The following UTP20 variants were observed in gnomAD, a reference collection of about 807,000 sequenced individuals.
UTP20 encodes the protein UTP20 small subunit processome component.
In UTP20, 164 loss-of-function variants were observed where a neutral mutation model predicts 329.5. The ratio of observed to expected loss-of-function variants is 0.50; its 90% CI spans 0.44 to 0.57. The LOEUF (loss-of-function observed/expected upper bound fraction) is 0.57, where lower values mean the gene tolerates loss of function less well. UTP20 is among the 20% of genes least tolerant of loss of function. UTP20 has a pLI of 0.00. For synonymous variants in UTP20, 1,151 were observed against 1,159.3 expected (o/e 0.99, Z 0.14); for missense variants, 3,055 against 3,284.2 (o/e 0.93, Z 1.71).
Position 101,338,093 on chromosome 12 carries a change from A to T in UTP20, c.3684A>T (p.Glu1228Asp), listed in dbSNP as rs762081637. The part of the protein sequence containing the change: ...LLAKQKPGHP[E>D]CDILTNVFAI... Reference sequence around the variant, plus strand: ...CTAAACAGAAGCCTGGGCACCCAGAATGTGATATCCTGACCAATGTTTTTG... The same window carrying T: ...CTAAACAGAAGCCTGGGCACCCAGATTGTGATATCCTGACCAATGTTTTTG... The change falls in exon 30 of 62, where the codon GAA becomes GAT. Residue 1228 changes from glutamate (E) to aspartate (D), a missense_variant. Transcript: ENST00000261637. 1 of 1,614,082 alleles carries T rather than the reference A, an allele frequency of 6.2e-7. No individual in the cohort carries two copies. The highest frequency in any genetic ancestry group is 8.5e-7 in the Non-Finnish European group (1 of 1,180,030).
intron 58 of UTP20, among the ~76,000 whole-genome samples, chr12:101,382,720 G>T (rs1870686189): frequency 1.3e-5 from 2 of 151,928 alleles, no homozygotes; most frequent in African/African-American, 4.8e-5. Flanking sequence ...AGGCATGGTG[G>T]TGCACGCCTG....
chr12:101,291,649 T>C, intron 8 of UTP20, 93 bp from the exon 9 acceptor site: 1 of 1,305,134 alleles, frequency 7.7e-7, no homozygotes, highest in Non-Finnish European at 1.0e-6. Flanking sequence ...AGCAAGAGAA[T>C]GGGAAAAGTT....
At chr12:101,301,896 C>T (rs1872531010) in intron 14 of UTP20, among the ~76,000 whole-genome samples, 1 of 152,052 alleles carries the variant, frequency 6.6e-6, no homozygotes, top group Admixed American at 6.6e-5. Flanking sequence ...ATGGAACATA[C>T]ACATTTTTAT....
intron 23 of UTP20, 130 bp downstream of exon 23, chr12:101,319,765 T>C (rs960969875): frequency 5.8e-5 from 17 of 291,512 alleles, no homozygotes; most frequent in Non-Finnish European, 1.0e-4. Context: ...TATTAAAGCC[T>C]TTTTTTTTTT....
In UTP20 at chr12:101,386,024, A is replaced by G; in HGVS notation, c.8259A>G (p.Lys2753=). 6.2e-7 allele frequency: 1 copy of G among 1,610,170 alleles called. No homozygotes were observed. ...AKKKMKKHKN[K]SEAKKRKIEF... is the part of the protein sequence containing the mutation. Reference sequence around the variant, plus strand: ...AAAAAATGAAGAAACACAAAAATAAAAGTGAAGCAAAGAAGAGAAAGATAG... The same window carrying G: ...AAAAAATGAAGAAACACAAAAATAAGAGTGAAGCAAAGAAGAGAAAGATAG... Residue 2753 remains lysine, a synonymous_variant, in exon 62 of 62, where the codon AAA becomes AAG. Coordinates refer to ENST00000261637, the MANE Select transcript of UTP20 (RefSeq NM_014503.3).
At chr12:101,289,902 G>GT (rs954240206) in intron 6 of UTP20, 43 of 243,676 alleles carry the variant, frequency 1.8e-4, no homozygotes, top group Non-Finnish European at 2.6e-4. Flanking sequence ...GACTTCTGTA[G>GT]TTTTTTTTGT....
At chr12:101,288,814 T>G (rs563598174) in intron 5 of UTP20, 146 bp from the exon 6 acceptor site, 61 of 686,856 alleles carry the variant, frequency 8.9e-5, no homozygotes, top group Non-Finnish European at 1.2e-4. Context: ...GGTGTCTCCA[T>G]AAATGAATGA....
chr12:101,368,149 T>A (rs1252884245), intron 48 of UTP20, among the ~76,000 whole-genome samples, 173 bp downstream of exon 48: 1 of 148,888 alleles, frequency 6.7e-6, no homozygotes, highest in Non-Finnish European at 1.5e-5. Context: ...TGAGACAGAG[T>A]CTCACTTTGT....
chr12:101,321,646 A>G lies in UTP20; in HGVS notation c.3041+17A>G. On this transcript the variant is annotated intron_variant, in intron 25 of 61. Coordinates refer to ENST00000261637, the MANE Select transcript of UTP20 (RefSeq NM_014503.3). ...TCTGATGAGGTATTTATGCTGTTCA[A>G]ACACTGATTTTTAAAAAGTTAATAA... The G allele has an allele frequency of 6.2e-7, 1 of 1,608,572 alleles. No individual in the cohort carries two copies. Among genetic ancestry groups the G allele is most frequent in the Non-Finnish European group, 8.5e-7 (1 of 1,177,204 alleles).
chr12:101,385,744 G>T lies in UTP20; in HGVS notation c.8202+16G>T. 6.2e-7 allele frequency: 1 copy of T among 1,607,050 alleles called. No individual in the cohort carries two copies. The highest frequency in any genetic ancestry group is 1.1e-5 in the South Asian group (1 of 89,548). Reference sequence around the variant, plus strand: ...GGCCCTGGAGGTAAGTTTGCTCTTTGAAAATATGGCATGTTCACTGGACTT... The same window carrying T: ...GGCCCTGGAGGTAAGTTTGCTCTTTTAAAATATGGCATGTTCACTGGACTT... On this transcript the variant is annotated intron_variant, in intron 61 of 61. Coordinates refer to ENST00000261637, the MANE Select transcript of UTP20 (RefSeq NM_014503.3).
In UTP20 at chr12:101,308,223, A is replaced by G. The variant is rs1872689045; in HGVS notation, c.2034A>G (p.Ile678Met). The stretch of plus-strand genomic sequence containing the variant: ...CAGAGCGGCAGTCTGTCTTTGCTAT[A>G]TTACGCCAGGCAGAACTTGTTCCAG... ...GLSERQSVFA[I>M]LRQAELVPAT... The change falls in exon 18 of 62, where the codon ATA (isoleucine) becomes ATG (methionine). Residue 678 changes from isoleucine to methionine, a missense_variant. This residue lies in a region of UTP20 where 2,445 missense variants were observed against 2,575.5 expected (regional missense o/e 0.95). Transcript: ENST00000261637. The G allele has an allele frequency of 6.2e-7, 1 of 1,612,676 alleles. No individual in the cohort carries two copies. Among genetic ancestry groups the G allele is most frequent in the Non-Finnish European group, 8.5e-7 (1 of 1,179,424 alleles).
At position 101,363,668 on chromosome 12, in the gene UTP20, T is replaced by C. The variant is rs2305863; in HGVS notation, c.5883T>C (p.Ser1961=). Residue 1961 remains serine (S), a synonymous_variant, in exon 45 of 62, where the codon AGT becomes AGC. Coordinates refer to ENST00000261637, the MANE Select transcript of UTP20 (RefSeq NM_014503.3). The part of the protein sequence containing the change: ...SKVMEARRSK[S]YDSYEILGKF... ...TCATGGAAGCACGAAGAAGCAAAAG[T>C]TACGACTCTTATGAAATCCTCGGCA... 0.019 allele frequency: 31,352 copies of C among 1,613,568 alleles called. 591 individuals are homozygous for C. Among genetic ancestry groups the C allele is most frequent in the East Asian group, 0.082 (3,690 of 44,866 alleles).
chr12:101,321,732 T>A, intron 25 of UTP20, 103 bp downstream of exon 25: 3 of 1,379,998 alleles, frequency 2.2e-6, no homozygotes, highest in Non-Finnish European at 1.9e-6. Flanking sequence ...AATATTTCAT[T>A]TTCTATTTTC....
intron 22 of UTP20, among the ~76,000 whole-genome samples, chr12:101,318,549 T>A (rs1164660170): frequency 6.6e-6 from 1 of 152,000 alleles, no homozygotes; most frequent in Non-Finnish European, 1.5e-5. Flanking sequence ...CAGTAAGGAA[T>A]TCCAGGCGTG....
At chr12:101,344,170 C>G (rs1869244047) in intron 35 of UTP20, among the ~76,000 whole-genome samples, 1 of 152,000 alleles carries the variant, frequency 6.6e-6, no homozygotes, top group South Asian at 2.1e-4. Flanking sequence ...AAGTCGCTGC[C>G]TGGCTGGCTG....
rs376874838 is a variant in UTP20 at position 101,375,575 on chromosome 12, A to G, written c.7264-49A>G. 9 of 1,597,648 alleles carry G rather than the reference A, an allele frequency of 5.6e-6. No individual in the cohort carries two copies. The Admixed American group carries it at 7.0e-5, about 12-fold the overall frequency. On this transcript the variant is annotated intron_variant, in intron 55 of 61. Coordinates refer to ENST00000261637, the MANE Select transcript of UTP20 (RefSeq NM_014503.3). ...GTGCTGGAGTAAAATTGTCCATCAG[A>G]TACTTTCAGATTGTTGTTTTCATTG... is the stretch of plus-strand genomic sequence containing the variant.
At position 101,373,480 on chromosome 12, in the gene UTP20, C is replaced by T. The variant is rs1403711681; in HGVS notation, c.6948+10C>T. The T allele has an allele frequency of 6.2e-7, 1 of 1,614,126 alleles. No individual in the cohort carries two copies. The highest frequency in any genetic ancestry group is 8.5e-7 in the Non-Finnish European group (1 of 1,179,986). Reference sequence around the variant, plus strand: ...TGACACGTTCCCTCAGGTACTGTGACCCCAGAGATAAGCCCCGTGACTCCT... The same window carrying T: ...TGACACGTTCCCTCAGGTACTGTGATCCCAGAGATAAGCCCCGTGACTCCT... On this transcript the variant is annotated intron_variant, in intron 53 of 61. Transcript: ENST00000261637.
rs185977408 is a variant in UTP20, at chr12:101,335,297, A to G, written c.3641+793A>G. On this transcript the variant is annotated intron_variant, in intron 29 of 61. Transcript: ENST00000261637. Reference sequence around the variant, plus strand: ...ACTAATACTTTTTAATAATTTTTACAGTTTGATTAAAACTTGAAAATTTTA... The same window carrying G: ...ACTAATACTTTTTAATAATTTTTACGGTTTGATTAAAACTTGAAAATTTTA... Among the ~76,000 whole-genome samples the G allele has an allele frequency of 1.2e-4, 19 of 152,320 alleles. No homozygotes were observed. In the East Asian group the frequency reaches 3.7e-3, roughly 29 times the overall value.
intron 25 of UTP20, among the ~76,000 whole-genome samples, chr12:101,325,757 G>A (rs11110752): frequency 0.12 from 18,157 of 152,150 alleles, 1,352 homozygotes; most frequent in Middle Eastern, 0.23. Flanking sequence ...GAACATGAAC[G>A]CAGTGAGCCT....
Sources: allele counts gnomAD v4.1 joint callset (sites outside exome capture counted in the v4.1 genomes callset), GRCh38; gene constraint gnomAD v4.1.1; regional missense constraint gnomAD v4.1.1; transcripts MANE v1.5; gene names NCBI Gene and HGNC (gene_info 2026-07-23, HGNC 2026-07-21).